Variants in RALGPS1 observed in about 807,000 individuals in gnomAD.
The protein encoded by RALGPS1 is ras-specific guanine nucleotide-releasing factor RalGPS1.
In RALGPS1, 19 loss-of-function variants were observed where a neutral mutation model predicts 78.8. The ratio of observed to expected loss-of-function variants is 0.24; its 90% confidence interval spans 0.17 to 0.35. The LOEUF (loss-of-function observed/expected upper bound fraction) is 0.35, where lower values mean the gene tolerates loss of function less well. Ranked by LOEUF, RALGPS1 falls within the 10% of genes least tolerant of loss-of-function variation. RALGPS1 has a pLI of 1.00. For synonymous variants in RALGPS1, 228 were observed against 256.3 expected, an observed-to-expected ratio of 0.89 and a Z score of 1.06; for missense variants, 454 against 688.3, an observed-to-expected ratio of 0.66 and a Z score of 3.81.
chr9:126,993,545 C>A (rs200199467), intron 4 of RALGPS1, among the ~76,000 whole-genome samples: 1 of 139,630 alleles, frequency 7.2e-6, no homozygotes, highest in Non-Finnish European at 1.6e-5. Flanking sequence ...TTTTTTTTTT[C>A]TTTTAAATAG....
At chr9:126,954,742 C>T (rs186139681) in intron 1 of RALGPS1, among the ~76,000 whole-genome samples, 34 of 152,332 alleles carry the variant, frequency 2.2e-4, no homozygotes, top group Admixed American at 2.1e-3. Context: ...GTGGATGTTG[C>T]AGTGAGCCAA....
intron 8 of RALGPS1, among the ~76,000 whole-genome samples, chr9:127,148,821 A>G (rs181538533): frequency 6.6e-6 from 1 of 152,222 alleles, no homozygotes; most frequent in Non-Finnish European, 1.5e-5. Context: ...AGGCGGTTGC[A>G]TGCTTTTTCA....
At chr9:126,987,997 C>T (rs998441664) in intron 4 of RALGPS1, among the ~76,000 whole-genome samples, 6 of 152,106 alleles carry the variant, frequency 3.9e-5, no homozygotes, top group African/African-American at 1.4e-4. Flanking sequence ...CCAAGAGCAT[C>T]GCAAAAGCAG....
intron 5 of RALGPS1, among the ~76,000 whole-genome samples, chr9:127,049,457 A>G (rs2048106762): frequency 6.6e-6 from 1 of 152,222 alleles, no homozygotes; most frequent in South Asian, 2.1e-4. Context: ...ATGCCCTGTA[A>G]CATGCATTGC....
chr9:126,934,751 T>G (rs1437866770), intron 1 of RALGPS1, among the ~76,000 whole-genome samples: 2 of 152,164 alleles, frequency 1.3e-5, no homozygotes, highest in Non-Finnish European at 2.9e-5. Flanking sequence ...TTCCCATTGG[T>G]GTCTGTTCCC....
chr9:127,178,074 A>G lies in RALGPS1; in HGVS notation c.910+3292A>G. On this transcript the variant is annotated intron_variant, in intron 11 of 18. Coordinates refer to ENST00000259351, the MANE Select transcript of RALGPS1 (RefSeq NM_014636.3). ...TGGGGAGGGTGGAGCCCTAGGCTAA[A>G]GGGCATGGGGAAGAAGTGTTACCAA... The G allele has an allele frequency of 2.2e-6, 3 of 1,362,766 alleles. No individual in the cohort carries two copies. The Admixed American group carries it at 6.3e-5, about 29-fold the overall frequency. 84.4% of individuals were successfully genotyped at this position (1,362,766 alleles called of 1,614,324 possible). A position where few individuals can be genotyped will look rare whatever the true frequency, so the allele number is the denominator to read the frequency against.
chr9:127,219,785 CT>C lies in RALGPS1; in HGVS notation c.*1019del. 6.5e-6 allele frequency: 1 copy of C among 152,924 alleles called. No individual in the cohort carries two copies. The highest frequency in any genetic ancestry group is 1.5e-5 in the Non-Finnish European group (1 of 68,134). The allele number at this position is 152,924 out of a possible 1,614,324, so 9.5% of individuals were successfully genotyped here. A position where few individuals can be genotyped will look rare whatever the true frequency, so the allele number is the denominator to read the frequency against. On this transcript the variant is annotated 3_prime_UTR_variant, in exon 19 of 19. Coordinates refer to ENST00000259351, the MANE Select transcript of RALGPS1 (RefSeq NM_014636.3). The surrounding 1 kb of genome is among the most constrained non-coding windows in gnomAD (Gnocchi z 5.0). The stretch of plus-strand genomic sequence containing the variant: ...AGCCTGTGCCCCCATCATCTCACTC[CT>C]TTGCCTGCACTGCCAGGGTGGGGCC...
In RALGPS1 at chr9:127,050,040, C is replaced by G; in HGVS notation, c.301-3C>G. The G allele has an allele frequency of 6.2e-7, 1 of 1,608,906 alleles. No individual in the cohort carries two copies. The highest frequency in any genetic ancestry group is 8.5e-7 in the Non-Finnish European group (1 of 1,175,238). On this transcript the variant is annotated splice_region_variant and splice_polypyrimidine_tract_variant and intron_variant, in intron 5 of 18. Coordinates refer to ENST00000259351, the MANE Select transcript of RALGPS1 (RefSeq NM_014636.3). ...GTGTATGTGTGTGTATTTGACTCTA[C>G]AGGTCAGTTTTTGGGTTGTACGAGA... is the stretch of plus-strand genomic sequence containing the variant.
intron 9 of RALGPS1, among the ~76,000 whole-genome samples, chr9:127,166,461 C>T (rs372763826): frequency 3.9e-5 from 6 of 152,126 alleles, no homozygotes; most frequent in Non-Finnish European, 5.9e-5. Flanking sequence ...CACAATCACG[C>T]GTCTAGTGAG....
At chr9:127,155,439 G>T (rs2058658047) in intron 8 of RALGPS1, among the ~76,000 whole-genome samples, 1 of 152,192 alleles carries the variant, frequency 6.6e-6, no homozygotes, top group Non-Finnish European at 1.5e-5. Context: ...CCTCTGCTGA[G>T]GCTCAGAGGC....
At chr9:126,959,314 G>A (rs1033784005) in intron 1 of RALGPS1, among the ~76,000 whole-genome samples, 4 of 152,044 alleles carry the variant, frequency 2.6e-5, no homozygotes, top group Non-Finnish European at 4.4e-5. Flanking sequence ...TGCCCACTTT[G>A]GCCTCCCAAA....
intron 8 of RALGPS1, among the ~76,000 whole-genome samples, chr9:127,120,035 C>T (rs1023099878): frequency 2.5e-4 from 38 of 152,344 alleles, no homozygotes; most frequent in African/African-American, 6.7e-4. Context: ...CACAGAAGCT[C>T]CTCTCCTGGG....
intron 8 of RALGPS1, chr9:127,070,119 G>T (rs912072275): frequency 6.6e-6 from 1 of 152,138 alleles, no homozygotes; most frequent in Admixed American, 6.5e-5. Context: ...GGATGAAGCT[G>T]TTCCACCTCA....
chr9:127,154,963 G>T (rs1000672072), intron 8 of RALGPS1, among the ~76,000 whole-genome samples: 3 of 152,142 alleles, frequency 2.0e-5, no homozygotes, highest in Admixed American at 2.0e-4. Context: ...ACCCAATATA[G>T]AGGCAGGTTT....
At chr9:126,931,336 A>G (rs907675998) in intron 1 of RALGPS1, among the ~76,000 whole-genome samples, 4 of 152,214 alleles carry the variant, frequency 2.6e-5, no homozygotes, top group African/African-American at 7.2e-5. Flanking sequence ...TCATAGCAAC[A>G]TTATTAGTAA....
At chr9:127,186,008 C>G (rs140333301) in intron 11 of RALGPS1, among the ~76,000 whole-genome samples, 6 of 152,292 alleles carry the variant, frequency 3.9e-5, no homozygotes, top group African/African-American at 1.4e-4. Flanking sequence ...GGTGGTGGAC[C>G]AGGCCTGTCT....
chr9:126,962,738 G>A (rs1403179880), intron 2 of RALGPS1, among the ~76,000 whole-genome samples: 1 of 149,840 alleles, frequency 6.7e-6, no homozygotes, highest in East Asian at 1.9e-4. Flanking sequence ...ACCTTGCTCA[G>A]TGGGAAATGG....
chr9:127,126,938 TACATGAAAG>T (rs1239660254), intron 8 of RALGPS1, among the ~76,000 whole-genome samples: 1 of 152,250 alleles, frequency 6.6e-6, no homozygotes, highest in Non-Finnish European at 1.5e-5. Flanking sequence ...TTGTGGATGA[TACATGAAAG>T]ACATTCTGTA....
At chr9:127,166,009 C>T in intron 8 of RALGPS1, 60 bp from the exon 9 acceptor site, 2 of 1,542,632 alleles carry the variant, frequency 1.3e-6, no homozygotes, top group Non-Finnish European at 1.7e-6. Context: ...CTATTTTGTG[C>T]TATTTTGTTC....
Sources: allele counts gnomAD v4.1 joint callset (sites outside exome capture counted in the v4.1 genomes callset), GRCh38; gene constraint gnomAD v4.1.1; non-coding constraint Gnocchi (gnomAD v3.1); transcripts MANE v1.5; gene names NCBI Gene and HGNC (gene_info 2026-07-23, HGNC 2026-07-21).